Variants in HJURP observed in about 807,000 individuals in gnomAD.
HJURP encodes the protein 14-3-3-associated AKT substrate.
Under a neutral mutation model 72.0 loss-of-function variants are expected in HJURP, and 49 were observed. That is an observed-to-expected ratio of 0.68 (90% CI 0.54 to 0.86). The LOEUF (loss-of-function observed/expected upper bound fraction) is 0.86, where lower values mean the gene tolerates loss of function less well. HJURP is among the 40% of genes least tolerant of loss of function. The pLI, the probability that HJURP is intolerant of heterozygous loss-of-function variation, is 0.00. For missense variants in HJURP, 908 were observed against 936.3 expected (o/e 0.97, Z 0.39); for synonymous variants, 357 against 347.1 (o/e 1.03, Z -0.32).
intron 3 of HJURP, among the ~76,000 whole-genome samples, chr2:233,850,503 A>G (rs1268030315): frequency 6.6e-6 from 1 of 152,174 alleles, no homozygotes; most frequent in Non-Finnish European, 1.5e-5. Context: ...AATGAAATTC[A>G]AGCATTCAGG....
At position 233,841,982 on chromosome 2, in the gene HJURP, C is replaced by T. The variant is rs367763991; in HGVS notation, c.798G>A (p.Gly266=). 8.1e-6 allele frequency: 13 copies of T among 1,614,038 alleles called. No individual in the cohort carries two copies. In the Admixed American group the frequency reaches 2.0e-4, roughly 25 times the overall value. The change falls in exon 8 of 9, where the codon GGG becomes GGA. Residue 266 remains glycine, a synonymous_variant. Transcript: ENST00000411486. The part of the protein sequence containing the change: ...CNVTISDLYA[G]MLHSMSRLLS... Reference sequence around the variant, plus strand: ...ACAGCCGGCTCATGGAGTGCAGCATCCCTGCGTACAGGTCACTGATGGTCA... The same window carrying T: ...ACAGCCGGCTCATGGAGTGCAGCATTCCTGCGTACAGGTCACTGATGGTCA...
chr2:233,839,922 C>G (rs1416829735), intron 8 of HJURP, among the ~76,000 whole-genome samples: 1 of 152,238 alleles, frequency 6.6e-6, no homozygotes, highest in African/African-American at 2.4e-5. Flanking sequence ...CAGATCCTGA[C>G]TGTGGACACA....
At chr2:233,849,906 A>C (rs540014758) in intron 3 of HJURP, 47 bp from the exon 4 acceptor site, 1 of 1,170,124 alleles carries the variant, frequency 8.5e-7, no homozygotes. Context: ...GAGTGACAGC[A>C]CATTTCAAAG....
In HJURP at chr2:233,846,779, A is replaced by C. The variant is rs536741798; in HGVS notation, c.402+618T>G. 3.9e-5 allele frequency among the ~76,000 whole-genome samples: 6 copies of C among 152,320 alleles called. No individual in the cohort carries two copies. Among genetic ancestry groups the C allele is most frequent in the South Asian group, 4.1e-4 (2 of 4,832 alleles). On this transcript the variant is annotated intron_variant, in intron 5 of 8. Transcript: ENST00000411486. The surrounding 1 kb of genome is among the most constrained non-coding windows in gnomAD (Gnocchi z 4.3). ...CATCAGGTATTCTGGCAGGCAACAG[A>C]GTGTGACACGGGGGCCAGGAAAGAT...
intron 8 of HJURP, among the ~76,000 whole-genome samples, 182 bp downstream of exon 8, chr2:233,840,427 G>C (rs1453702247): frequency 6.6e-6 from 1 of 152,204 alleles, no homozygotes; most frequent in Non-Finnish European, 1.5e-5. Flanking sequence ...ACACATTCTT[G>C]ATAGAGACGC....
intron 4 of HJURP, among the ~76,000 whole-genome samples, chr2:233,848,416 G>A (rs553280066): frequency 1.3e-5 from 2 of 152,222 alleles, no homozygotes; most frequent in South Asian, 4.1e-4. Context: ...GGGAAGCCAC[G>A]TGTTGCATCA....
At chr2:233,853,342 C>T (rs1424642862) in intron 2 of HJURP, among the ~76,000 whole-genome samples, 4 of 152,286 alleles carry the variant, frequency 2.6e-5, no homozygotes, top group African/African-American at 4.8e-5. Flanking sequence ...AACTATTAAA[C>T]GGAATGCCTT....
intron 8 of HJURP, 79 bp downstream of exon 8, chr2:233,840,530 A>G: frequency 7.1e-7 from 1 of 1,405,224 alleles, no homozygotes; most frequent in Non-Finnish European, 9.6e-7. Flanking sequence ...CGTGGCGCAA[A>G]GATTCCTACC....
chr2:233,837,330 A>ACCC lies in HJURP; in HGVS notation c.*246_*247insGGG, dbSNP rs1559494025. 1.6e-5 allele frequency: 5 copies of ACCC among 317,832 alleles called. No individual in the cohort carries two copies. The highest frequency in any genetic ancestry group is 1.3e-4 in the African/African-American group (5 of 39,714). The allele number at this position is 317,832 out of a possible 1,614,324, so 19.7% of individuals were successfully genotyped here. On this transcript the variant is annotated 3_prime_UTR_variant, in exon 9 of 9. Transcript: ENST00000411486. ...CAAACAAACAAATAACCCCCCCCCAAAAAAAACACACACATCAGAAAAACA... is the reference window on the plus strand; with the variant it reads ...CAAACAAACAAATAACCCCCCCCCAACCCAAAAAACACACACATCAGAAAAACA...
At chr2:233,845,952 C>A in intron 5 of HJURP, 132 bp from the exon 6 acceptor site, 1 of 612,120 alleles carries the variant, frequency 1.6e-6, no homozygotes, top group Non-Finnish European at 2.9e-6. Flanking sequence ...ACTTTCACCT[C>A]CATGATGTTA....
At position 233,846,834 on chromosome 2, in the gene HJURP, C is replaced by T. The variant is rs1362132650; in HGVS notation, c.402+563G>A. ...GAGCTGGTTAAGCTCTGTGTAAATT[C>T]GCATCTATCCCAACCAAGGAGGATA... On this transcript the variant is annotated intron_variant, in intron 5 of 8. Coordinates refer to ENST00000411486, the MANE Select transcript of HJURP (RefSeq NM_018410.5). The surrounding 1 kb of genome is among the most constrained non-coding windows in gnomAD (Gnocchi z 4.3). Among the ~76,000 whole-genome samples, 2 of 152,166 alleles carry T rather than the reference C, an allele frequency of 1.3e-5. No individual in the cohort carries two copies. Among genetic ancestry groups the T allele is most frequent in the Non-Finnish European group, 2.9e-5 (2 of 68,032 alleles).
In HJURP at chr2:233,837,549, A is replaced by C. The variant is rs563161170; in HGVS notation, c.*28T>G. 1.4e-6 allele frequency: 2 copies of C among 1,458,838 alleles called. No individual in the cohort carries two copies. Among genetic ancestry groups the C allele is most frequent in the Admixed American group, 3.5e-5 (2 of 57,804 alleles). The allele number at this position is 1,458,838 out of a possible 1,614,324, so 90.4% of individuals were successfully genotyped here. On this transcript the variant is annotated 3_prime_UTR_variant, in exon 9 of 9. Transcript: ENST00000411486. ...AAATACAAACAGAGAGCAAGTGGGA[A>C]GATAAATAACACTCCGAAATAACCT...
chr2:233,847,504 G>C (rs1705392917), intron 4 of HJURP, 43 bp from the exon 5 acceptor site: 1 of 1,532,044 alleles, frequency 6.5e-7, no homozygotes, highest in Admixed American at 1.7e-5. Context: ...TTTTCAGGAA[G>C]GAGTGCATTT....
chr2:233,846,117 C>T lies in HJURP; in HGVS notation c.403-297G>A. ...AATATTCATAGGTGAGTTCAGGACTCAACTACTGGTAATAACTTCAAACTG... is the reference window on the plus strand; with the variant it reads ...AATATTCATAGGTGAGTTCAGGACTTAACTACTGGTAATAACTTCAAACTG... On this transcript the variant is annotated intron_variant, in intron 5 of 8. Transcript: ENST00000411486. This position sits in a 1 kb window ranked among gnomAD's most constrained non-coding sequence, Gnocchi z 4.3. 3.9e-6 allele frequency: 1 copy of T among 258,234 alleles called. No homozygotes were observed. The highest frequency in any genetic ancestry group is 5.0e-5 in the Admixed American group (1 of 20,062). 16.0% of individuals were successfully genotyped at this position (258,234 alleles called of 1,614,324 possible).
At chr2:233,838,049 C>T (rs546348828) in intron 8 of HJURP, among the ~76,000 whole-genome samples, 37 of 152,286 alleles carry the variant, frequency 2.4e-4, no homozygotes, top group African/African-American at 8.2e-4. Context: ...GAAGATAAGA[C>T]GTAAAAACGG....
At chr2:233,847,998 C>T (rs1705409552) in intron 4 of HJURP, among the ~76,000 whole-genome samples, 1 of 152,096 alleles carries the variant, frequency 6.6e-6, no homozygotes, top group Admixed American at 6.5e-5. Flanking sequence ...ATTCATGGAC[C>T]TAAGGATTTA....
Position 233,847,444 on chromosome 2 carries a change from C to A in HJURP, c.355G>T (p.Val119Phe). 2 of 1,614,080 alleles carry A rather than the reference C, an allele frequency of 1.2e-6. 1 individual carries two copies. The highest frequency in any genetic ancestry group is 2.2e-5 in the South Asian group (2 of 91,086). The change falls in exon 5 of 9, where the codon GTC becomes TTC. Residue 119 changes from valine (V) to phenylalanine (F), a missense_variant. Around this residue, in one of 3 missense-constraint regions of HJURP, gnomAD observed 299 missense variants for 286.7 expected, o/e 1.04. Coordinates refer to ENST00000411486, the MANE Select transcript of HJURP (RefSeq NM_018410.5). ...VLGADSKSGEVDATSDQEESV... is the reference protein window; with the variant it reads ...VLGADSKSGEFDATSDQEESV... ...TCTTCCTGGTCTGACGTGGCATCGACCTCACCGCTTTTTGAATCTAAAAGT... is the reference window on the plus strand; with the variant it reads ...TCTTCCTGGTCTGACGTGGCATCGAACTCACCGCTTTTTGAATCTAAAAGT...
intron 7 of HJURP, among the ~76,000 whole-genome samples, chr2:233,842,659 A>C (rs1041371477): frequency 2.5e-5 from 1 of 39,392 alleles, no homozygotes; most frequent in African/African-American, 1.1e-4. Flanking sequence ...AAAAATCTGT[A>C]TGTTAAATTG....
Position 233,840,809 on chromosome 2 carries a change from C to T in HJURP, c.1971G>A (p.Glu657=). 6.2e-7 allele frequency: 1 copy of T among 1,613,596 alleles called. No homozygotes were observed. The highest frequency in any genetic ancestry group is 8.5e-7 in the Non-Finnish European group (1 of 1,179,894). The change falls in exon 8 of 9, where the codon GAG becomes GAA. Residue 657 remains glutamate (E), a synonymous_variant. Transcript: ENST00000411486. Reference sequence around the variant, plus strand: ...GAGCAACACATGTAGATGAAGGAGCCTCAATTGCAGTTGAGCCCAGTAGAC... The same window carrying T: ...GAGCAACACATGTAGATGAAGGAGCTTCAATTGCAGTTGAGCCCAGTAGAC... ...RKSLLGSTAI[E]APSSTCVARA...
Sources: gnomAD v4.1 joint callset for allele counts (sites outside exome capture counted in the v4.1 genomes callset) on GRCh38, gnomAD v4.1.1 for gene constraint, gnomAD v4.1.1 regional missense constraint, Gnocchi (gnomAD v3.1) non-coding constraint, MANE v1.5 for transcripts, NCBI Gene and HGNC (gene_info 2026-07-23, HGNC 2026-07-21) for gene names.